Variants in STXBP5 observed in about 807,000 individuals in gnomAD.
STXBP5 encodes the protein syntaxin binding protein 5.
STXBP5 carries 50 observed loss-of-function variants against 152.4 expected under a neutral mutation model. That is an observed-to-expected ratio of 0.33 (90% CI 0.26 to 0.42). The LOEUF (loss-of-function observed/expected upper bound fraction) is 0.42. STXBP5 is among the 10% of genes least tolerant of loss of function. STXBP5 has a pLI of 1.00. For synonymous variants in STXBP5, 492 were observed against 494.7 expected, an observed-to-expected ratio of 0.99 and a Z score of 0.07; for missense variants, 1,167 against 1,388.6, an observed-to-expected ratio of 0.84 and a Z score of 2.54.
chr6:147,297,940 A>C (rs1781612274), intron 9 of STXBP5, among the ~76,000 whole-genome samples: 1 of 152,124 alleles, frequency 6.6e-6, no homozygotes, highest in Non-Finnish European at 1.5e-5. Context: ...CAAGAAAGGA[A>C]GAATGTAACA....
chr6:147,318,025 AT>A (rs1233963575), intron 16 of STXBP5, among the ~76,000 whole-genome samples: 3 of 152,340 alleles, frequency 2.0e-5, no homozygotes, highest in African/African-American at 7.2e-5. Flanking sequence ...ACAATTCCAT[AT>A]AAACATACAT....
Position 147,204,637 on chromosome 6 carries a change from G to T in STXBP5, c.105G>T (p.Pro35=). 1 of 1,610,472 alleles carries T rather than the reference G, an allele frequency of 6.2e-7. No individual in the cohort carries two copies. Among genetic ancestry groups the T allele is most frequent in the South Asian group, 1.1e-5 (1 of 90,910 alleles). ...QQQHPPGNRE[P]EIQETLQSEH... ...AGCATCCGCCTGGGAACCGGGAGCC[G>T]GAGATCCAGGAAACGCTCCAGTCCG... The change falls in exon 1 of 28, where the codon CCG becomes CCT. Residue 35 remains proline, a synonymous_variant. Transcript: ENST00000321680. This position sits in a 1 kb window ranked among gnomAD's most constrained non-coding sequence, Gnocchi z 4.3.
intron 21 of STXBP5, among the ~76,000 whole-genome samples, chr6:147,352,605 G>A (rs758415384): frequency 6.6e-6 from 1 of 151,886 alleles, no homozygotes; most frequent in Non-Finnish European, 1.5e-5. Context: ...GTGAGAATTC[G>A]CCTCAATTTA....
intron 18 of STXBP5, among the ~76,000 whole-genome samples, chr6:147,328,146 C>CTA (rs1034782845): frequency 6.6e-6 from 1 of 152,176 alleles, no homozygotes; most frequent in African/African-American, 2.4e-5. Context: ...GTATACTTAG[C>CTA]TATATATACC....
chr6:147,336,795 A>G (rs1322745566), intron 19 of STXBP5, among the ~76,000 whole-genome samples: 4 of 152,152 alleles, frequency 2.6e-5, no homozygotes, highest in Non-Finnish European at 4.4e-5. Flanking sequence ...ATAGAAATAT[A>G]AAGTAGCCAT....
chr6:147,244,802 C>T (rs1778726338), intron 4 of STXBP5, among the ~76,000 whole-genome samples: 1 of 151,978 alleles, frequency 6.6e-6, no homozygotes, highest in African/African-American at 2.4e-5. Context: ...GATTTTCTGC[C>T]CTCCTTTTTT....
chr6:147,227,087 C>A (rs1777756400), intron 2 of STXBP5, among the ~76,000 whole-genome samples: 1 of 152,048 alleles, frequency 6.6e-6, no homozygotes, highest in African/African-American at 2.4e-5. Context: ...TTTAAAATTC[C>A]AGAATGTGAG....
chr6:147,236,628 C>T (rs1778283805), intron 3 of STXBP5, among the ~76,000 whole-genome samples: 1 of 152,036 alleles, frequency 6.6e-6, no homozygotes, highest in Non-Finnish European at 1.5e-5. Context: ...ATCACATGTA[C>T]AGATGCATGT....
intron 16 of STXBP5, among the ~76,000 whole-genome samples, chr6:147,320,879 G>A (rs544906850): frequency 5.9e-5 from 9 of 152,126 alleles, no homozygotes; most frequent in Admixed American, 3.3e-4. Flanking sequence ...GAATGCATGG[G>A]AAGATTGTAA....
At chr6:147,314,418 G>A in intron 13 of STXBP5, 87 bp downstream of exon 13, 3 of 1,335,760 alleles carry the variant, frequency 2.2e-6, no homozygotes, top group Non-Finnish European at 3.2e-6. Flanking sequence ...TTACTGGACA[G>A]GTAGAGCTTT....
chr6:147,303,480 C>A (rs529655016), intron 9 of STXBP5, among the ~76,000 whole-genome samples: 3 of 152,120 alleles, frequency 2.0e-5, no homozygotes, highest in Non-Finnish European at 2.9e-5. Context: ...ATTACTCAGT[C>A]TCAGATATGT....
At chr6:147,232,604 G>GA (rs1318700603) in intron 2 of STXBP5, among the ~76,000 whole-genome samples, 5 of 151,572 alleles carry the variant, frequency 3.3e-5, no homozygotes, top group African/African-American at 9.7e-5. Context: ...GTAACTTTGA[G>GA]AAAAAATCAT....
rs1353320483 is a variant in STXBP5, at chr6:147,316,210, T to C, written c.1624-19T>C. The C allele has an allele frequency of 1.9e-6, 3 of 1,611,154 alleles. No individual in the cohort carries two copies. The South Asian group carries it at 3.3e-5, about 18-fold the overall frequency. On this transcript the variant is annotated intron_variant, in intron 15 of 27. Coordinates refer to ENST00000321680, the MANE Select transcript of STXBP5 (RefSeq NM_001127715.4). ...CAATAATTATTAGGAGTAAGTAAAC[T>C]ACCTTACTTTTACAACAGATGCTTG...
At chr6:147,366,937 G>A (rs528213364) in intron 25 of STXBP5, among the ~76,000 whole-genome samples, 23 of 152,278 alleles carry the variant, frequency 1.5e-4, no homozygotes, top group African/African-American at 5.5e-4. Flanking sequence ...CGCAATGTCT[G>A]GTGTCCAGTC....
chr6:147,326,876 C>G (rs1783285864), intron 17 of STXBP5, among the ~76,000 whole-genome samples: 1 of 152,112 alleles, frequency 6.6e-6, no homozygotes, highest in Admixed American at 6.5e-5. Context: ...AGTTTCAACT[C>G]CTATGCCAAA....
chr6:147,293,836 C>G (rs547068406), intron 9 of STXBP5, among the ~76,000 whole-genome samples: 5 of 152,276 alleles, frequency 3.3e-5, no homozygotes, highest in African/African-American at 1.2e-4. Flanking sequence ...ATATATGTCA[C>G]CCACATTAAA....
intron 16 of STXBP5, among the ~76,000 whole-genome samples, chr6:147,317,428 A>G (rs951648120): frequency 1.6e-4 from 24 of 152,146 alleles, no homozygotes; most frequent in Non-Finnish European, 7.4e-5. Flanking sequence ...TCTCATTTGC[A>G]TATGATTTTG....
intron 9 of STXBP5, among the ~76,000 whole-genome samples, chr6:147,303,615 GT>G (rs1014166494): frequency 6.6e-5 from 10 of 152,336 alleles, no homozygotes; most frequent in African/African-American, 2.4e-4. Context: ...AGTTGGAACA[GT>G]TTGGAGGGTT....
At position 147,260,901 on chromosome 6, in the gene STXBP5, G is replaced by A; in HGVS notation, c.566+152G>A. ...CAGATTTATTAGTTTTTTATGAGTAGTATTTTGACATGGCAATTTGTAAAT... is the reference window on the plus strand; with the variant it reads ...CAGATTTATTAGTTTTTTATGAGTAATATTTTGACATGGCAATTTGTAAAT... On this transcript the variant is annotated intron_variant, in intron 5 of 27. Transcript: ENST00000321680. 8.9e-6 allele frequency: 9 copies of A among 1,011,288 alleles called. No homozygotes were observed. In the South Asian group the frequency reaches 1.6e-4, roughly 18 times the overall value. The allele number at this position is 1,011,288 out of a possible 1,614,324, so 62.6% of individuals were successfully genotyped here.
Sources: gnomAD v4.1 joint callset for allele counts (sites outside exome capture counted in the v4.1 genomes callset) on GRCh38, gnomAD v4.1.1 for gene constraint, Gnocchi (gnomAD v3.1) non-coding constraint, MANE v1.5 for transcripts, NCBI Gene and HGNC (gene_info 2026-07-23, HGNC 2026-07-21) for gene names.